The following OPHN1 variants were observed in gnomAD, a reference collection of about 807,000 sequenced individuals.
The protein encoded by OPHN1 is oligophrenin-1.
OPHN1 carries 11 observed loss-of-function variants against 60.7 expected under a neutral mutation model. That is an observed-to-expected ratio of 0.18 (90% CI 0.11 to 0.30). The LOEUF is 0.30. Among genes scored for constraint, OPHN1 ranks in the 10% least tolerant of loss-of-function variants. The pLI is 1.00. For missense variants in OPHN1, 449 were observed against 611.0 expected (o/e 0.73, Z 2.80); for synonymous variants, 226 against 222.6 (o/e 1.02, Z -0.14).
chrX:68,346,766 C>A (rs1309423245), intron 2 of OPHN1, among the ~76,000 whole-genome samples: 1 of 112,129 alleles, frequency 8.9e-6, no homozygotes, highest in Non-Finnish European at 1.9e-5. Context: ...ACTCTAGCTG[C>A]TTTCTGCAAA....
At chrX:68,119,131 T>C in intron 16 of OPHN1, 117 bp downstream of exon 16, 1 of 533,538 alleles carries the variant, frequency 1.9e-6, no homozygotes, top group Admixed American at 2.8e-5. Context: ...CTTCACATGT[T>C]TTTTCTTAAG....
At chrX:68,193,516 A>G (rs1369643216) in intron 14 of OPHN1, among the ~76,000 whole-genome samples, 1 of 111,781 alleles carries the variant, frequency 8.9e-6, no homozygotes, top group Admixed American at 9.5e-5. Flanking sequence ...AGTATCGGCA[A>G]CCAGGAAGAA....
intron 6 of OPHN1, among the ~76,000 whole-genome samples, chrX:68,218,617 C>T (rs1193997099): frequency 9.2e-6 from 1 of 109,066 alleles, no homozygotes; most frequent in African/African-American, 3.3e-5. Flanking sequence ...AGAGTGGGGG[C>T]CAATATTCAA....
chrX:68,415,168 C>G (rs1157024764), intron 2 of OPHN1, among the ~76,000 whole-genome samples: 1 of 111,785 alleles, frequency 8.9e-6, no homozygotes, highest in Non-Finnish European at 1.9e-5. Context: ...TTCTGATTCT[C>G]TTTGCCCTAC....
intron 5 of OPHN1, among the ~76,000 whole-genome samples, chrX:68,263,445 A>G (rs1352722559): frequency 9.0e-6 from 1 of 111,654 alleles, no homozygotes. Flanking sequence ...CGTCAATCGG[A>G]CAGTTTCATG....
intron 15 of OPHN1, among the ~76,000 whole-genome samples, chrX:68,187,439 G>T (rs1172147825): frequency 3.7e-5 from 4 of 107,033 alleles, no homozygotes; most frequent in Non-Finnish European, 7.7e-5. Context: ...GCCTGGTGTT[G>T]TTAAAGTGGA....
intron 5 of OPHN1, among the ~76,000 whole-genome samples, chrX:68,246,788 C>A (rs904097760): frequency 9.0e-6 from 1 of 111,156 alleles, no homozygotes; most frequent in Non-Finnish European, 1.9e-5. Context: ...ATATACTATG[C>A]ATAGTCTAGA....
At chrX:68,113,952 CTTAAAGTA>C (rs1448449945) in intron 16 of OPHN1, among the ~76,000 whole-genome samples, 3 of 94,235 alleles carry the variant, frequency 3.2e-5, no homozygotes, top group African/African-American at 1.3e-4. Flanking sequence ...TACCCTAAAA[CTTAAAGTA>C]TAATAATAAT....
chrX:68,110,124 A>G (rs1218178779), intron 18 of OPHN1, among the ~76,000 whole-genome samples: 1 of 111,700 alleles, frequency 9.0e-6, no homozygotes, highest in Non-Finnish European at 1.9e-5. Context: ...ACTGTACTGC[A>G]TTAATACAAT....
At chrX:68,172,860 C>T (rs2077397818) in intron 15 of OPHN1, among the ~76,000 whole-genome samples, 1 of 111,202 alleles carries the variant, frequency 9.0e-6, no homozygotes, top group Non-Finnish European at 1.9e-5. Context: ...TTTCTCACAC[C>T]GAGCCAGGCT....
chrX:68,192,475 A>G lies in OPHN1; in HGVS notation c.1276+444T>C, dbSNP rs867433124. Among the ~76,000 whole-genome samples, 587 of 109,458 alleles carry G rather than the reference A, an allele frequency of 5.4e-3. 4 individuals are homozygous for G. The highest frequency in any genetic ancestry group is 0.019 in the African/African-American group (561 of 30,102). The stretch of plus-strand genomic sequence containing the variant: ...GCGACAGAGCTAGACCCTGTCTCAA[A>G]AAAAAAAAAAAAAGATGTGAGAAGA... On this transcript the variant is annotated intron_variant, in intron 15 of 24. Transcript: ENST00000355520.
At chrX:68,341,944 A>C (rs1322446014) in intron 2 of OPHN1, among the ~76,000 whole-genome samples, 1 of 109,580 alleles carries the variant, frequency 9.1e-6, no homozygotes, top group Non-Finnish European at 1.9e-5. Flanking sequence ...TTTGATTATT[A>C]ATGAAAAAAA....
At chrX:68,185,606 G>A (rs1362706141) in intron 15 of OPHN1, among the ~76,000 whole-genome samples, 3 of 110,854 alleles carry the variant, frequency 2.7e-5, no homozygotes, top group Non-Finnish European at 1.9e-5. Context: ...TTTTATGAAA[G>A]CGGGTTGCTA....
intron 2 of OPHN1, among the ~76,000 whole-genome samples, chrX:68,301,168 G>A (rs760221096): frequency 9.0e-6 from 1 of 111,579 alleles, no homozygotes; most frequent in South Asian, 3.7e-4. Flanking sequence ...ACAAGCAGCC[G>A]GGTGTGGTGG....
At chrX:68,285,847 A>G (rs1185787020) in intron 3 of OPHN1, among the ~76,000 whole-genome samples, 1 of 110,737 alleles carries the variant, frequency 9.0e-6, no homozygotes, top group Non-Finnish European at 1.9e-5. Flanking sequence ...GCAACTTCCA[A>G]CTGCAAGTTT....
chrX:68,190,537 G>T (rs2077483661), intron 15 of OPHN1, among the ~76,000 whole-genome samples: 1 of 111,746 alleles, frequency 8.9e-6, no homozygotes, highest in South Asian at 3.8e-4. Flanking sequence ...ATATTTGGAG[G>T]ATGGTTTTGA....
chrX:68,404,239 G>A lies in OPHN1; in HGVS notation c.154+28628C>T, dbSNP rs185917133. On this transcript the variant is annotated intron_variant, in intron 2 of 24. Coordinates refer to ENST00000355520, the MANE Select transcript of OPHN1 (RefSeq NM_002547.3). ...CAGTGGCATGATCTCGGTTCACTGC[G>A]ACCTCCGCCTCCCAGGTTCAAGCGA... Among the ~76,000 whole-genome samples the A allele has an allele frequency of 1.7e-3, 179 of 107,383 alleles. 1 individual carries two copies. The highest frequency in any genetic ancestry group is 4.5e-3 in the African/African-American group (131 of 29,370). 93.2% of individuals were successfully genotyped at this position (107,383 alleles called of 115,157 possible).
chrX:68,119,134 T>C (rs1569217434), intron 16 of OPHN1, 114 bp downstream of exon 16: 12 of 538,134 alleles, frequency 2.2e-5, no homozygotes, highest in East Asian at 7.1e-5. Flanking sequence ...CACATGTTTT[T>C]TCTTAAGCAA....
intron 20 of OPHN1, among the ~76,000 whole-genome samples, chrX:68,067,253 G>A (rs2076916309): frequency 8.9e-6 from 1 of 111,801 alleles, no homozygotes; most frequent in South Asian, 3.8e-4. Context: ...AGTAGAAAGG[G>A]CATTCAAACA....
Sources: allele counts gnomAD v4.1 joint callset (sites outside exome capture counted in the v4.1 genomes callset), GRCh38; gene constraint gnomAD v4.1.1; transcripts MANE v1.5; gene names NCBI Gene and HGNC (gene_info 2026-07-23, HGNC 2026-07-21).